The following CLTCL1 variants were observed in gnomAD, a reference collection of about 807,000 sequenced individuals.
CLTCL1 encodes clathrin heavy chain like 1.
CLTCL1 carries 159 observed loss-of-function variants against 190.0 expected under a neutral mutation model. The observed-to-expected ratio is 0.84, with a 90% CI of 0.74 to 0.95. CLTCL1 has a LOEUF of 0.95. Among genes scored for constraint, CLTCL1 ranks in the 40% least tolerant of loss-of-function variants. The pLI is 0.00. For missense variants in CLTCL1, 1,878 were observed against 2,033.4 expected (o/e 0.92, Z 1.47); for synonymous variants, 752 against 769.6 (o/e 0.98, Z 0.38).
chr22:19,257,961 A>G, intron 2 of CLTCL1: 1 of 764,954 alleles, frequency 1.3e-6, no homozygotes, highest in South Asian at 1.3e-5. Flanking sequence ...TCTGTGGACA[A>G]TGCCTTCATC....
At chr22:19,224,426 C>A (rs914687357) in intron 13 of CLTCL1, among the ~76,000 whole-genome samples, 1 of 152,116 alleles carries the variant, frequency 6.6e-6, no homozygotes, top group Non-Finnish European at 1.5e-5. Context: ...GAGAAATAAG[C>A]CATGGCCTCC....
At chr22:19,184,505 C>T (rs1555927391) in intron 29 of CLTCL1, 1 of 455,986 alleles carries the variant, frequency 2.2e-6, no homozygotes, top group Non-Finnish European at 4.4e-6. Context: ...GCATGCTGCT[C>T]ATCGATCGCT....
intron 3 of CLTCL1, among the ~76,000 whole-genome samples, chr22:19,249,538 C>CA (rs1288243360): frequency 1.3e-5 from 2 of 150,704 alleles, no homozygotes; most frequent in African/African-American, 2.4e-5. Flanking sequence ...ACTAAAAACA[C>CA]AAAAAAAATT....
At chr22:19,200,519 A>C (rs1569161334) in intron 23 of CLTCL1, among the ~76,000 whole-genome samples, 1 of 152,344 alleles carries the variant, frequency 6.6e-6, no homozygotes, top group East Asian at 1.9e-4. Context: ...CATCTTAAAC[A>C]GCAGGGTAGA....
intron 30 of CLTCL1, chr22:19,181,056 T>C: frequency 1.8e-6 from 1 of 547,332 alleles, no homozygotes; most frequent in Non-Finnish European, 3.3e-6. Context: ...AGCTTCCCAG[T>C]GGGCACTGGG....
rs567705441 is a variant in CLTCL1, at chr22:19,199,803, G to A, written c.3804C>T (p.Phe1268=). Residue 1268 remains phenylalanine, a synonymous_variant, in exon 24 of 33, where the codon TTC becomes TTT. Coordinates refer to ENST00000427926, the MANE Select transcript of CLTCL1 (RefSeq NM_007098.4). ...FACMDGQEFR[F]AQLCGLHIVI... is the part of the protein sequence containing the mutation. The stretch of plus-strand genomic sequence containing the variant: ...CGATGTGAAGACCACACAGCTGTGC[G>A]AAGCGGAACTCTTGTCCATCCATGC... The A allele has an allele frequency of 1.3e-5, 21 of 1,598,362 alleles. No individual in the cohort carries two copies. The highest frequency in any genetic ancestry group is 5.2e-5 in the Admixed American group (3 of 57,808).
intron 3 of CLTCL1, among the ~76,000 whole-genome samples, chr22:19,244,727 C>CT (rs1555967220): frequency 6.6e-6 from 1 of 152,208 alleles, no homozygotes; most frequent in African/African-American, 2.4e-5. Flanking sequence ...CGATGTCCTG[C>CT]TTCTAAGTCT....
intron 2 of CLTCL1, among the ~76,000 whole-genome samples, chr22:19,265,100 C>A (rs1555977323): frequency 6.6e-6 from 1 of 152,088 alleles, no homozygotes; most frequent in African/African-American, 2.4e-5. Flanking sequence ...AAATTTGATA[C>A]AATTTATATC....
chr22:19,269,717 G>A (rs2087242338), intron 2 of CLTCL1, among the ~76,000 whole-genome samples: 1 of 152,112 alleles, frequency 6.6e-6, no homozygotes, highest in Admixed American at 6.5e-5. Flanking sequence ...TCACTCATAA[G>A]TGGGAGTTGA....
At chr22:19,188,143 C>A (rs1314707512) in intron 27 of CLTCL1, 52 bp from the exon 28 acceptor site, 3 of 1,545,148 alleles carry the variant, frequency 1.9e-6, no homozygotes, top group African/African-American at 2.7e-5. Context: ...GTTATGGGGA[C>A]ACTAGGCAGG....
At chr22:19,191,691 A>T (rs1452149669) in intron 26 of CLTCL1, among the ~76,000 whole-genome samples, 4 of 152,104 alleles carry the variant, frequency 2.6e-5, no homozygotes, top group Admixed American at 2.6e-4. Context: ...CCAGTATCTG[A>T]TGCAGGGTCC....
At chr22:19,183,816 G>A (rs1280075924) in intron 29 of CLTCL1, 8 of 593,534 alleles carry the variant, frequency 1.3e-5, no homozygotes, top group South Asian at 4.0e-5. Context: ...AGGCTCTGGA[G>A]GGGACAGGTG....
intron 2 of CLTCL1, among the ~76,000 whole-genome samples, chr22:19,256,444 C>T (rs1193675775): frequency 6.8e-6 from 1 of 147,762 alleles, no homozygotes; most frequent in African/African-American, 2.5e-5. Flanking sequence ...GCAGCCTCCA[C>T]CTCCCAGGTT....
intron 2 of CLTCL1, among the ~76,000 whole-genome samples, chr22:19,274,756 T>C (rs2146286261): frequency 6.6e-6 from 1 of 151,442 alleles, no homozygotes; most frequent in Non-Finnish European, 1.5e-5. Flanking sequence ...TGAGACCGAT[T>C]TTTGCTCTTG....
In CLTCL1 at chr22:19,188,209, G is replaced by A. The variant is rs114757757; in HGVS notation, c.4324-118C>T. The A allele has an allele frequency of 4.8e-3, 4,207 of 875,240 alleles. 115 individuals carry two copies. The African/African-American group carries it at 0.059, about 12-fold the overall frequency. 54.2% of individuals were successfully genotyped at this position (875,240 alleles called of 1,614,324 possible). On this transcript the variant is annotated intron_variant, in intron 27 of 32. Coordinates refer to ENST00000427926, the MANE Select transcript of CLTCL1 (RefSeq NM_007098.4). The stretch of plus-strand genomic sequence containing the variant: ...TTGAATGGTCCAGCTCTGGAGCCAA[G>A]GGCACCTTCTGGACACCTAGAACCA...
chr22:19,209,089 A>G lies in CLTCL1; in HGVS notation c.3275T>C (p.Leu1092Pro). The G allele has an allele frequency of 1.2e-6, 2 of 1,606,884 alleles. No homozygotes were observed. The highest frequency in any genetic ancestry group is 1.7e-6 in the Non-Finnish European group (2 of 1,176,406). Reference protein sequence around the residue: ...IQVLIEHIGNLDRAYEFAERC... With the variant: ...IQVLIEHIGNPDRAYEFAERC... ...CTCCGCAAACTCATATGCCCGGTCC[A>G]GGTTTCCAATGTGCTCGATCAGGAC... The change falls in exon 21 of 33, where the codon CTG (leucine) becomes CCG (proline). Residue 1092 changes from leucine (L) to proline (P), a missense_variant. Leu to Pro is a moderately conservative substitution (Grantham distance 98, BLOSUM62 -3). Transcript: ENST00000427926.
At chr22:19,244,595 T>A (rs1163728148) in intron 3 of CLTCL1, among the ~76,000 whole-genome samples, 2 of 151,998 alleles carry the variant, frequency 1.3e-5, no homozygotes, top group African/African-American at 4.8e-5. Context: ...CACATTTGAG[T>A]CCTAAAGGTA....
At chr22:19,207,482 C>T (rs2085086508) in intron 22 of CLTCL1, 1 of 400,668 alleles carries the variant, frequency 2.5e-6, no homozygotes, top group Middle Eastern at 6.3e-4. Context: ...CCATGGGTCT[C>T]AATTTCCATA....
chr22:19,286,381 G>C (rs566117178), intron 1 of CLTCL1, among the ~76,000 whole-genome samples: 4 of 152,232 alleles, frequency 2.6e-5, no homozygotes, highest in Admixed American at 1.3e-4. Flanking sequence ...AATACCAGAA[G>C]CAGTGGTAGG....
Sources: allele counts gnomAD v4.1 joint callset (sites outside exome capture counted in the v4.1 genomes callset), GRCh38; gene constraint gnomAD v4.1.1; transcripts MANE v1.5; gene names NCBI Gene and HGNC (gene_info 2026-07-23, HGNC 2026-07-21).